The following MTCH1 variants were observed in gnomAD, a reference collection of about 807,000 sequenced individuals.
MTCH1 encodes the protein mitochondrial carrier homolog 1.
A neutral mutation model predicts 49.3 loss-of-function variants in MTCH1; 23 were observed. That is an observed-to-expected ratio of 0.47 (90% CI 0.34 to 0.66). The LOEUF (loss-of-function observed/expected upper bound fraction) is 0.66, where lower values mean the gene tolerates loss of function less well. Ranked by LOEUF, MTCH1 falls within the 30% of genes least tolerant of loss-of-function variation. The probability of loss-of-function intolerance (pLI) is 0.01; values close to 1 mark genes in which losing one functional copy is unlikely to be tolerated. For synonymous variants in MTCH1, 229 were observed against 215.2 expected (o/e 1.06, Z -0.56); for missense variants, 397 against 532.1 (o/e 0.75, Z 2.50).
chr6:36,968,435 C>T lies in MTCH1; in HGVS notation c.*468G>A, dbSNP rs11548582. The T allele has an allele frequency of 7.0e-3, 2,309 of 330,508 alleles. 18 individuals carry two copies. The highest frequency in any genetic ancestry group is 0.011 in the Middle Eastern group (10 of 886). The allele number at this position is 330,508 out of a possible 1,614,324, so 20.5% of individuals were successfully genotyped here. A position where few individuals can be genotyped will look rare whatever the true frequency, so the allele number is the denominator to read the frequency against. ...CTGGCCATTTGCCTCCTAGCATAGG[C>T]CTAGACATGATGGTGGCCACGTGCC... On this transcript the variant is annotated 3_prime_UTR_variant, in exon 12 of 12. Coordinates refer to ENST00000373627, the MANE Select transcript of MTCH1 (RefSeq NM_001271641.2).
chr6:36,977,260 A>G lies in MTCH1; in HGVS notation c.650-10T>C. 1 of 1,613,928 alleles carries G rather than the reference A, an allele frequency of 6.2e-7. No individual in the cohort carries two copies. Among genetic ancestry groups the G allele is most frequent in the Non-Finnish European group, 8.5e-7 (1 of 1,179,962 alleles). On this transcript the variant is annotated splice_polypyrimidine_tract_variant and intron_variant, in intron 5 of 11. Transcript: ENST00000373627. The surrounding 1 kb of genome is among the most constrained non-coding windows in gnomAD (Gnocchi z 5.4). Reference sequence around the variant, plus strand: ...CAGCGCATTGAGATGACTGAGGAAAAAAAAGAAAACACACACAGGTGATGT... The same window carrying G: ...CAGCGCATTGAGATGACTGAGGAAAGAAAAGAAAACACACACAGGTGATGT...
chr6:36,975,833 A>T, intron 6 of MTCH1, 116 bp from the exon 7 acceptor site: 4 of 866,158 alleles, frequency 4.6e-6, no homozygotes, highest in African/African-American at 1.7e-5. Context: ...CCTGGCAGGG[A>T]TGGGGAGGAC....
chr6:36,986,391 C>T (rs1189618605), upstream of MTCH1: 3 of 381,642 alleles, frequency 7.9e-6, no homozygotes, highest in Non-Finnish European at 1.3e-5. Flanking sequence ...GCAGCCGGGG[C>T]CCCGGGCTCG....
intron 8 of MTCH1, 165 bp from the exon 9 acceptor site, chr6:36,970,859 C>T (rs1250227934): frequency 2.6e-6 from 2 of 780,914 alleles, no homozygotes; most frequent in Admixed American, 4.2e-5. Flanking sequence ...GCCTGGGGGG[C>T]AGAAACGGGG....
At chr6:36,985,735 C>CG in intron 1 of MTCH1, 118 bp downstream of exon 1, 4 of 792,998 alleles carry the variant, frequency 5.0e-6, no homozygotes, top group South Asian at 1.6e-5. Context: ...CCAAACCCGC[C>CG]GTCCCCACCC....
chr6:36,968,682 A>T lies in MTCH1; in HGVS notation c.*221T>A. On this transcript the variant is annotated 3_prime_UTR_variant, in exon 12 of 12. Transcript: ENST00000373627. Reference sequence around the variant, plus strand: ...TTCTGCCAACTCCCCACCTCGCCTCACCTTCCCTAGGTCTGCCGGGTGACC... The same window carrying T: ...TTCTGCCAACTCCCCACCTCGCCTCTCCTTCCCTAGGTCTGCCGGGTGACC... 1 of 703,856 alleles carries T rather than the reference A, an allele frequency of 1.4e-6. No homozygotes were observed. Among genetic ancestry groups the T allele is most frequent in the Non-Finnish European group, 2.5e-6 (1 of 394,066 alleles). 43.6% of individuals were successfully genotyped at this position (703,856 alleles called of 1,614,324 possible). A position where few individuals can be genotyped will look rare whatever the true frequency, so the allele number is the denominator to read the frequency against.
Position 36,986,020 on chromosome 6 carries a change from G to C in MTCH1, c.154C>G (p.Arg52Gly). The C allele has an allele frequency of 6.6e-7, 1 of 1,523,630 alleles. No homozygotes were observed. Among genetic ancestry groups the C allele is most frequent in the Non-Finnish European group, 8.8e-7 (1 of 1,138,680 alleles). The allele number at this position is 1,523,630 out of a possible 1,614,324, so 94.4% of individuals were successfully genotyped here. A position where few individuals can be genotyped will look rare whatever the true frequency, so the allele number is the denominator to read the frequency against. ...GGCTGAGCCGCAGGCCGAGGGTGGC[G>C]AGGATGTGCGCGGTGCGCGGGCGGT... is the stretch of plus-strand genomic sequence containing the variant. ...DPPPAHRAHP[R>G]HPRPAAQPSA... Residue 52 changes from arginine (R) to glycine (G), a missense_variant, in exon 1 of 12, where the codon CGC (arginine) becomes GGC (glycine). Physicochemically the swap from Arg to Gly is moderately radical, Grantham distance 125 (BLOSUM62 -2). Around this residue, in one of 2 missense-constraint regions of MTCH1, gnomAD observed 145 missense variants for 143.8 expected, o/e 1.01. Coordinates refer to ENST00000373627, the MANE Select transcript of MTCH1 (RefSeq NM_001271641.2).
intron 11 of MTCH1, chr6:36,969,544 T>G (rs896320961): frequency 2.6e-6 from 3 of 1,143,820 alleles, no homozygotes; most frequent in Non-Finnish European, 1.1e-6. Flanking sequence ...GAACCCAAGG[T>G]TGGTACTGCT....
At chr6:36,969,319 C>T (rs777215111) in intron 11 of MTCH1, 1 of 1,117,452 alleles carries the variant, frequency 8.9e-7, no homozygotes, top group African/African-American at 1.6e-5. Flanking sequence ...CTGGGAAGAA[C>T]TGCGGCTCTC....
At chr6:36,970,502 T>C in intron 9 of MTCH1, 29 bp from the exon 10 acceptor site, 1 of 1,613,358 alleles carries the variant, frequency 6.2e-7, no homozygotes, top group Non-Finnish European at 8.5e-7. Context: ...TGAGTGCCAG[T>C]GACCCACCCC....
rs1583258224 is a variant in MTCH1 at position 36,977,066 on chromosome 6, A to G, written c.701+133T>C. 5.5e-6 allele frequency: 5 copies of G among 909,336 alleles called. No individual in the cohort carries two copies. In the East Asian group the frequency reaches 1.2e-4, roughly 22 times the overall value. 56.3% of individuals were successfully genotyped at this position (909,336 alleles called of 1,614,324 possible). A position where few individuals can be genotyped will look rare whatever the true frequency, so the allele number is the denominator to read the frequency against. ...TATTGAAGCCACTGCCACATTCCTC[A>G]GAAGCCAGGCAGCAGGCTGAACTCA... On this transcript the variant is annotated intron_variant, in intron 6 of 11. Transcript: ENST00000373627. The surrounding 1 kb of genome is among the most constrained non-coding windows in gnomAD (Gnocchi z 5.4).
intron 2 of MTCH1, among the ~76,000 whole-genome samples, chr6:36,980,827 T>C (rs541421604): frequency 6.6e-6 from 1 of 152,076 alleles, no homozygotes; most frequent in African/African-American, 2.4e-5. Flanking sequence ...CTGGTGAGGG[T>C]AGGGACTGGG....
chr6:36,972,861 C>A lies in MTCH1; in HGVS notation c.762-65G>T. 6.8e-7 allele frequency: 1 copy of A among 1,463,918 alleles called. No homozygotes were observed. Among genetic ancestry groups the A allele is most frequent in the South Asian group, 1.3e-5 (1 of 78,488 alleles). The allele number at this position is 1,463,918 out of a possible 1,614,324, so 90.7% of individuals were successfully genotyped here. A position where few individuals can be genotyped will look rare whatever the true frequency, so the allele number is the denominator to read the frequency against. On this transcript the variant is annotated intron_variant, in intron 7 of 11. Coordinates refer to ENST00000373627, the MANE Select transcript of MTCH1 (RefSeq NM_001271641.2). This position sits in a 1 kb window ranked among gnomAD's most constrained non-coding sequence, Gnocchi z 4.1. ...AGGAGCAGTTCCTGGGGGCTCCACA[C>A]CCAGGAAGCAGGCAGGGATGTTCCG... is the stretch of plus-strand genomic sequence containing the variant.
rs1325352365 is a variant in MTCH1, at chr6:36,985,945, T to C, written c.229A>G (p.Asn77Asp). Residue 77 changes from asparagine to aspartate, a missense_variant, in exon 1 of 12, where the codon AAC (asparagine) becomes GAC (aspartate). By Grantham distance (23) the Asn-to-Asp change is conservative (BLOSUM62 1). Around this residue, in one of 2 missense-constraint regions of MTCH1, gnomAD observed 145 missense variants for 143.8 expected, o/e 1.01. Transcript: ENST00000373627. ...GGSGGLGSGDNAPTTEALFVA... is the reference protein window; with the variant it reads ...GGSGGLGSGDDAPTTEALFVA... Reference sequence around the variant, plus strand: ...AAAAGAGCCTCAGTGGTCGGGGCGTTGTCCCCAGACCCCAGGCCCCCTGAC... The same window carrying C: ...AAAAGAGCCTCAGTGGTCGGGGCGTCGTCCCCAGACCCCAGGCCCCCTGAC... 1 of 1,551,782 alleles carries C rather than the reference T, an allele frequency of 6.4e-7. No homozygotes were observed. Among genetic ancestry groups the C allele is most frequent in the East Asian group, 2.4e-5 (1 of 41,156 alleles).
Position 36,970,095 on chromosome 6 carries a change from G to A in MTCH1, c.1042C>T (p.Pro348Ser). Reference sequence around the variant, plus strand: ...CAGGATTTGAACACTGGGGAGTAAGGGGGGAGCCCAGCTTGCAGCCTGCCG... The same window carrying A: ...CAGGATTTGAACACTGGGGAGTAAGAGGGGAGCCCAGCTTGCAGCCTGCCG... ...NNCGLQAGLP[P>S]YSPVFKSWIH... is the part of the protein sequence containing the mutation. The change falls in exon 11 of 12, where the codon CCT becomes TCT. Residue 348 changes from proline (P) to serine (S), a missense_variant. Physicochemically the swap from Pro to Ser is moderately conservative, Grantham distance 74. Transcript: ENST00000373627. 6.2e-7 allele frequency: 1 copy of A among 1,614,066 alleles called. No homozygotes were observed. The highest frequency in any genetic ancestry group is 8.5e-7 in the Non-Finnish European group (1 of 1,179,938).
chr6:36,981,776 C>A (rs1399501768), intron 1 of MTCH1, 104 bp from the exon 2 acceptor site: 2 of 944,282 alleles, frequency 2.1e-6, no homozygotes, highest in Non-Finnish European at 3.1e-6. Context: ...TCTTCTCCCA[C>A]AAATTCTAAT....
Position 36,972,927 on chromosome 6 carries a change from A to C in MTCH1, c.762-131T>G. On this transcript the variant is annotated intron_variant, in intron 7 of 11. Transcript: ENST00000373627. The surrounding 1 kb of genome is among the most constrained non-coding windows in gnomAD (Gnocchi z 4.1). ...CATATCCAATGGCACAGCCTTAGAA[A>C]GGAGGCCTGCAGGGTCCAGCAGCTA... is the stretch of plus-strand genomic sequence containing the variant. 1.1e-6 allele frequency: 1 copy of C among 932,296 alleles called. No individual in the cohort carries two copies. Among genetic ancestry groups the C allele is most frequent in the Non-Finnish European group, 1.6e-6 (1 of 621,046 alleles). The allele number at this position is 932,296 out of a possible 1,614,324, so 57.8% of individuals were successfully genotyped here.
Position 36,971,497 on chromosome 6 carries a change from G to A in MTCH1, c.907-803C>T, listed in dbSNP as rs1212852727. On this transcript the variant is annotated intron_variant, in intron 8 of 11. Transcript: ENST00000373627. ...CAGCAGCAGCTTACCCACCCACAAGGCCCCCCGAGAAGGGGCAGAACTGCA... is the reference window on the plus strand; with the variant it reads ...CAGCAGCAGCTTACCCACCCACAAGACCCCCCGAGAAGGGGCAGAACTGCA... Among the ~76,000 whole-genome samples, 84 of 151,908 alleles carry A rather than the reference G, an allele frequency of 5.5e-4. 1 individual carries two copies. Among genetic ancestry groups the A allele is most frequent in the Non-Finnish European group, 2.9e-5 (2 of 67,986 alleles).
rs1477375067 is a variant in MTCH1 at position 36,977,655 on chromosome 6, T to C, written c.628A>G (p.Met210Val). Residue 210 changes from methionine (M) to valine (V), a missense_variant, in exon 5 of 12, where the codon ATG becomes GTG. Coordinates refer to ENST00000373627, the MANE Select transcript of MTCH1 (RefSeq NM_001271641.2). This position sits in a 1 kb window ranked among gnomAD's most constrained non-coding sequence, Gnocchi z 5.4. ...YEMMMQCVSR[M>V]LAHPLHVISM... ...TTACCATGCAGGGGGTGGGCCAACA[T>C]GCGGGACACACACTGCATCATCATC... 6.2e-7 allele frequency: 1 copy of C among 1,610,420 alleles called. No homozygotes were observed. Among genetic ancestry groups the C allele is most frequent in the Admixed American group, 1.7e-5 (1 of 59,610 alleles).
Sources: gnomAD v4.1 joint callset for allele counts (sites outside exome capture counted in the v4.1 genomes callset) on GRCh38, gnomAD v4.1.1 for gene constraint, gnomAD v4.1.1 regional missense constraint, Gnocchi (gnomAD v3.1) non-coding constraint, MANE v1.5 for transcripts, NCBI Gene and HGNC (gene_info 2026-07-23, HGNC 2026-07-21) for gene names.